ARAP2: variants seen among roughly 807,000 people sequenced by gnomAD.
The protein encoded by ARAP2 is arf-GAP with Rho-GAP domain, ANK repeat and PH domain-containing protein 2.
Under a neutral mutation model 194.5 loss-of-function variants are expected in ARAP2, and 148 were observed. The observed-to-expected ratio is 0.76, with a 90% CI of 0.67 to 0.87. The LOEUF is 0.87. Among genes scored for constraint, ARAP2 ranks in the 40% least tolerant of loss-of-function variants. The pLI, the probability that ARAP2 is intolerant of heterozygous loss-of-function variation, is 0.00. For synonymous variants in ARAP2, 695 were observed against 683.5 expected (o/e 1.02, Z -0.26); for missense variants, 2,128 against 1,989.7 (o/e 1.07, Z -1.32).
At chr4:36,127,053 C>T (rs1724100721) in intron 21 of ARAP2, among the ~76,000 whole-genome samples, 1 of 152,030 alleles carries the variant, frequency 6.6e-6, no homozygotes, top group Non-Finnish European at 1.5e-5. Flanking sequence ...CCAGGCTGGT[C>T]TCAAACTCCC....
intron 25 of ARAP2, among the ~76,000 whole-genome samples, chr4:36,116,505 A>G (rs1288175324): frequency 6.6e-6 from 1 of 151,912 alleles, no homozygotes; most frequent in African/African-American, 2.4e-5. Context: ...AAGGGAGAAA[A>G]GAGTTATCCA....
At chr4:36,218,538 T>C (rs144390242) in intron 2 of ARAP2, among the ~76,000 whole-genome samples, 131 of 152,038 alleles carry the variant, frequency 8.6e-4, no homozygotes, top group Middle Eastern at 3.4e-3. Context: ...CACCTGCACA[T>C]CTATATGGAA....
intron 25 of ARAP2, among the ~76,000 whole-genome samples, chr4:36,115,959 C>T (rs1004966786): frequency 2.0e-5 from 3 of 151,942 alleles, no homozygotes; most frequent in South Asian, 4.1e-4. Context: ...TTAAAATGCG[C>T]TATTAAAGAG....
intron 6 of ARAP2, among the ~76,000 whole-genome samples, chr4:36,201,307 C>A: frequency 6.6e-6 from 1 of 152,184 alleles, no homozygotes. Context: ...AACTGCTATA[C>A]AAAGCAGACA....
At chr4:36,149,311 CCAGT>C (rs79826442) in intron 16 of ARAP2, among the ~76,000 whole-genome samples, 47,605 of 151,728 alleles carry the variant, frequency 0.31, 8,687 homozygotes, top group East Asian at 0.55. Flanking sequence ...CAACTCTTGT[CCAGT>C]CAGTCATTTA....
At chr4:36,155,668 TA>T (rs1732102976) in intron 15 of ARAP2, among the ~76,000 whole-genome samples, 1 of 151,472 alleles carries the variant, frequency 6.6e-6, no homozygotes, top group Admixed American at 6.6e-5. Flanking sequence ...TTTTTATTTT[TA>T]ATTTTTTTTT....
At chr4:36,132,031 T>C (rs1434329782) in intron 20 of ARAP2, among the ~76,000 whole-genome samples, 1 of 151,800 alleles carries the variant, frequency 6.6e-6, no homozygotes, top group Non-Finnish European at 1.5e-5. Context: ...ACATACAAAG[T>C]AAGAAAAATA....
At chr4:36,056,585 G>C (rs1250571336) in intron 2 of ARAP2, among the ~76,000 whole-genome samples, 3 of 152,038 alleles carry the variant, frequency 2.0e-5, no homozygotes, top group Admixed American at 2.0e-4. Context: ...ACATGTATAG[G>C]TTTTCTTGTC....
In ARAP2 at chr4:36,210,742, T is replaced by A. The variant is rs1404913436; in HGVS notation, c.1135A>T (p.Ile379Leu). Residue 379 changes from isoleucine to leucine, a missense_variant and splice_region_variant, in exon 6 of 33, where the codon ATA becomes TTA. By Grantham distance (5) the Ile-to-Leu change is conservative (BLOSUM62 2). Transcript: ENST00000303965. ...ATNSFIIKSS[I>L]YDNRKEKISE... Reference sequence around the variant, plus strand: ...ATTTTCTCCTTTCTGTTATCGTATATGCTAAACGGAAAAATGATGTAAACA... The same window carrying A: ...ATTTTCTCCTTTCTGTTATCGTATAAGCTAAACGGAAAAATGATGTAAACA... The A allele has an allele frequency of 6.4e-7, 1 of 1,565,182 alleles. No individual in the cohort carries two copies. Among genetic ancestry groups the A allele is most frequent in the Non-Finnish European group, 8.6e-7 (1 of 1,159,254 alleles).
At chr4:36,208,745 G>A (rs1269128255) in intron 6 of ARAP2, among the ~76,000 whole-genome samples, 4 of 151,500 alleles carry the variant, frequency 2.6e-5, no homozygotes, top group Non-Finnish European at 4.4e-5. Context: ...ATATAATCAC[G>A]TAGAAGTGTT....
intron 9 of ARAP2, 32 bp from the exon 10 acceptor site, chr4:36,167,079 A>G (rs747980530): frequency 8.3e-7 from 1 of 1,198,310 alleles, no homozygotes. Context: ...AAAACTATAA[A>G]GAAACAAAAA....
intron 6 of ARAP2, among the ~76,000 whole-genome samples, chr4:36,201,149 A>G (rs1560652938): frequency 6.6e-6 from 1 of 152,196 alleles, no homozygotes; most frequent in East Asian, 1.9e-4. Flanking sequence ...AACTCATTTA[A>G]TCCTCCAGAC....
At chr4:36,192,578 G>C (rs1441325982) in intron 7 of ARAP2, among the ~76,000 whole-genome samples, 1 of 152,196 alleles carries the variant, frequency 6.6e-6, no homozygotes, top group Admixed American at 6.5e-5. Flanking sequence ...GGTTACAGGT[G>C]CTGGAGAAAA....
In ARAP2 at chr4:36,113,469, T is replaced by C. The variant is rs1510644; in HGVS notation, c.4156+701A>G. 6.1e-3 allele frequency among the ~76,000 whole-genome samples: 928 copies of C among 152,122 alleles called. 10 individuals carry two copies. The highest frequency in any genetic ancestry group is 0.021 in the African/African-American group (879 of 41,550). ...GGGTATTTTAAACATTGAATTTTAA[T>C]TTTTATCCTAAGCTTGCGGGTGGCA... On this transcript the variant is annotated intron_variant, in intron 26 of 32. Transcript: ENST00000303965.
Position 36,187,557 on chromosome 4 carries a change from T to C in ARAP2, c.1572A>G (p.Lys524=), listed in dbSNP as rs773195424. ...ATATAGCAGAAAGGGGAATTATTCCTTTCGAATACATCTCCTGTATTGGTT... is the reference window on the plus strand; with the variant it reads ...ATATAGCAGAAAGGGGAATTATTCCCTTCGAATACATCTCCTGTATTGGTT... ...YYNNEKEMYS[K]GIIPLSAIST... The change falls in exon 8 of 33, where the codon AAA becomes AAG. Residue 524 remains lysine, a synonymous_variant. Coordinates refer to ENST00000303965, the MANE Select transcript of ARAP2 (RefSeq NM_015230.4). 1 of 1,559,746 alleles carries C rather than the reference T, an allele frequency of 6.4e-7. No homozygotes were observed. The highest frequency in any genetic ancestry group is 8.6e-7 in the Non-Finnish European group (1 of 1,159,368).
intron 2 of ARAP2, 63 bp downstream of exon 2, chr4:36,228,519 G>C (rs74530836): frequency 0.024 from 35,142 of 1,466,572 alleles, 528 homozygotes; most frequent in African/African-American, 0.046. Flanking sequence ...AAATATAACT[G>C]TTAAAAAAAA....
At chr4:36,131,805 G>T (rs191414807) in intron 20 of ARAP2, among the ~76,000 whole-genome samples, 1 of 151,852 alleles carries the variant, frequency 6.6e-6, no homozygotes, top group East Asian at 1.9e-4. Flanking sequence ...ATGTATAGCT[G>T]CAAAATGTAC....
At chr4:36,053,128 T>C (rs895360326) in intron 2 of ARAP2, among the ~76,000 whole-genome samples, 1 of 151,626 alleles carries the variant, frequency 6.6e-6, no homozygotes, top group Non-Finnish European at 1.5e-5. Flanking sequence ...TGCCTCAGCC[T>C]CCTGAGTAGC....
chr4:36,009,226 C>A (rs1334480822), intron 9 of ARAP2, among the ~76,000 whole-genome samples: 2 of 151,920 alleles, frequency 1.3e-5, no homozygotes, highest in Non-Finnish European at 2.9e-5. Flanking sequence ...AATTGTTCTA[C>A]CAAAAAGAAC....
Sources: allele counts gnomAD v4.1 joint callset (sites outside exome capture counted in the v4.1 genomes callset), GRCh38; gene constraint gnomAD v4.1.1; transcripts MANE v1.5; gene names NCBI Gene and HGNC (gene_info 2026-07-23, HGNC 2026-07-21).